The following SH3RF3 variants were observed in gnomAD, a reference collection of about 807,000 sequenced individuals.
SH3RF3 encodes the protein E3 ubiquitin-protein ligase SH3RF3.
In SH3RF3, 29 loss-of-function variants were observed where a neutral mutation model predicts 66.3. The observed-to-expected ratio is 0.44, with a 90% confidence interval of 0.33 to 0.60. SH3RF3 has a LOEUF of 0.60. SH3RF3 is among the 20% of genes least tolerant of loss of function. The probability of loss-of-function intolerance (pLI) is 0.04; values close to 1 mark genes in which losing one functional copy is unlikely to be tolerated. For missense variants in SH3RF3, 1,194 were observed against 1,190.9 expected (o/e 1.00, Z -0.04); for synonymous variants, 583 against 532.0 (o/e 1.10, Z -1.32).
chr2:109,213,752 T>G (rs746738275), intron 1 of SH3RF3, among the ~76,000 whole-genome samples: 54 of 152,238 alleles, frequency 3.5e-4, no homozygotes, highest in East Asian at 1.9e-4. Context: ...GGGGATGGTT[T>G]TAAATAGGAA....
rs377208980 is a variant in SH3RF3 at position 109,436,921 on chromosome 2, C to T, written c.1603C>T (p.Arg535Trp). The part of the protein sequence containing the change: ...RVPAGGAGPP[R>W]NNVVGGSPLA... Reference sequence around the variant, plus strand: ...GCCTGCAGGAGGGGCAGGGCCGCCCCGGAATAATGTAGTCGGAGGGTCTCC... The same window carrying T: ...GCCTGCAGGAGGGGCAGGGCCGCCCTGGAATAATGTAGTCGGAGGGTCTCC... The change falls in exon 7 of 10, where the codon CGG (arginine) becomes TGG (tryptophan). Residue 535 changes from arginine to tryptophan, a missense_variant. By Grantham distance (101) the Arg-to-Trp change is moderately radical (BLOSUM62 -3). Coordinates refer to ENST00000309415, the MANE Select transcript of SH3RF3 (RefSeq NM_001099289.3). The T allele has an allele frequency of 5.3e-5, 86 of 1,613,624 alleles. No homozygotes were observed. Among genetic ancestry groups the T allele is most frequent in the South Asian group, 2.3e-4 (21 of 91,086 alleles).
chr2:109,499,906 G>A (rs1330046740), intron 9 of SH3RF3, among the ~76,000 whole-genome samples: 1 of 152,178 alleles, frequency 6.6e-6, no homozygotes, highest in Non-Finnish European at 1.5e-5. Flanking sequence ...AGGTTCAATT[G>A]GCACACAAGT....
intron 1 of SH3RF3, among the ~76,000 whole-genome samples, chr2:109,283,036 T>C (rs2105346940): frequency 6.6e-6 from 1 of 152,288 alleles, no homozygotes; most frequent in African/African-American, 2.4e-5. Context: ...CTGTGTGAAC[T>C]GTGTATGCAG....
chr2:109,488,075 A>T lies in SH3RF3; in HGVS notation c.2149-2530A>T, dbSNP rs768285566. On this transcript the variant is annotated intron_variant, in intron 8 of 9. Coordinates refer to ENST00000309415, the MANE Select transcript of SH3RF3 (RefSeq NM_001099289.3). Reference sequence around the variant, plus strand: ...CCACCCAGGTCTCCTGCCTGCCAGGAGGGGAGGAGCGGCCAGCAGCCCCAG... The same window carrying T: ...CCACCCAGGTCTCCTGCCTGCCAGGTGGGGAGGAGCGGCCAGCAGCCCCAG... Among the ~76,000 whole-genome samples, 17 of 152,100 alleles carry T rather than the reference A, an allele frequency of 1.1e-4. 1 individual carries two copies. The highest frequency in any genetic ancestry group is 6.3e-3 in the Middle Eastern group (2 of 316).
At chr2:109,408,834 C>A (rs1411794910) in intron 4 of SH3RF3, among the ~76,000 whole-genome samples, 1 of 152,218 alleles carries the variant, frequency 6.6e-6, no homozygotes, top group Non-Finnish European at 1.5e-5. Context: ...ATGGAGAAGC[C>A]TCTGGCCTGA....
At chr2:109,152,414 C>T (rs1200976311) in intron 1 of SH3RF3, among the ~76,000 whole-genome samples, 1 of 152,198 alleles carries the variant, frequency 6.6e-6, no homozygotes, top group Admixed American at 6.5e-5. Flanking sequence ...ATAAATAATT[C>T]TGGGCTCCGA....
At chr2:109,466,624 G>A (rs927766688) in intron 8 of SH3RF3, among the ~76,000 whole-genome samples, 1 of 152,094 alleles carries the variant, frequency 6.6e-6, no homozygotes, top group Non-Finnish European at 1.5e-5. Flanking sequence ...TGTGTCTTTG[G>A]TGTTTTATCT....
chr2:109,351,999 A>G (rs917834601), intron 2 of SH3RF3, among the ~76,000 whole-genome samples: 9 of 152,252 alleles, frequency 5.9e-5, no homozygotes, highest in African/African-American at 1.9e-4. Context: ...ATAAAAATCA[A>G]ATATAGAGTT....
intron 5 of SH3RF3, among the ~76,000 whole-genome samples, chr2:109,429,735 G>A (rs1006134863): frequency 6.6e-6 from 1 of 152,088 alleles, no homozygotes; most frequent in Non-Finnish European, 1.5e-5. Context: ...CCATCCCCTC[G>A]AGCTTTTGTG....
chr2:109,191,318 A>T (rs1678350346), intron 1 of SH3RF3, among the ~76,000 whole-genome samples: 1 of 152,188 alleles, frequency 6.6e-6, no homozygotes, highest in African/African-American at 2.4e-5. Context: ...GCCCTGGAGA[A>T]TCATTAGGAG....
At chr2:109,295,431 G>A (rs564747998) in intron 1 of SH3RF3, among the ~76,000 whole-genome samples, 29 of 152,364 alleles carry the variant, frequency 1.9e-4, no homozygotes, top group African/African-American at 5.8e-4. Flanking sequence ...AACTCAGGGC[G>A]GGAGCCGAGG....
chr2:109,144,796 G>A (rs1457753364), intron 1 of SH3RF3, among the ~76,000 whole-genome samples: 1 of 152,238 alleles, frequency 6.6e-6, no homozygotes, highest in Admixed American at 6.5e-5. Flanking sequence ...TGGAGCCTGA[G>A]CCACAGCAGA....
intron 4 of SH3RF3, among the ~76,000 whole-genome samples, chr2:109,403,323 T>C (rs1336232927): frequency 6.6e-6 from 1 of 152,160 alleles, no homozygotes; most frequent in African/African-American, 2.4e-5. Context: ...TCTCACCTCC[T>C]CTGTCCTGGC....
chr2:109,293,297 G>A (rs756687678), intron 1 of SH3RF3, among the ~76,000 whole-genome samples: 12 of 152,164 alleles, frequency 7.9e-5, no homozygotes, highest in Non-Finnish European at 1.6e-4. Flanking sequence ...ACTGCACTGC[G>A]AAGGAGTTTG....
intron 1 of SH3RF3, among the ~76,000 whole-genome samples, chr2:109,241,768 A>C (rs775604626): frequency 6.1e-4 from 88 of 143,508 alleles, no homozygotes; most frequent in African/African-American, 1.6e-3. Context: ...GTCTTGAATA[A>C]TTTTTTTTTT....
intron 1 of SH3RF3, among the ~76,000 whole-genome samples, chr2:109,332,881 A>G (rs976669146): frequency 1.3e-5 from 2 of 152,256 alleles, no homozygotes; most frequent in Non-Finnish European, 2.9e-5. Context: ...GCCTTATAGA[A>G]TAAATGGTCA....
At chr2:109,209,757 G>T (rs553474293) in intron 1 of SH3RF3, among the ~76,000 whole-genome samples, 1 of 152,118 alleles carries the variant, frequency 6.6e-6, no homozygotes, top group African/African-American at 2.4e-5. Context: ...GAGAGTAAAT[G>T]GTTTGTTCAC....
intron 1 of SH3RF3, among the ~76,000 whole-genome samples, chr2:109,324,660 C>G (rs1188672204): frequency 1.3e-5 from 2 of 152,190 alleles, no homozygotes; most frequent in Non-Finnish European, 2.9e-5. Context: ...ATCCTTTCTC[C>G]TGGAACTCCT....
intron 8 of SH3RF3, among the ~76,000 whole-genome samples, chr2:109,460,120 T>C (rs1188281114): frequency 6.6e-6 from 1 of 152,226 alleles, no homozygotes; most frequent in Non-Finnish European, 1.5e-5. Flanking sequence ...ATTGCTGCAC[T>C]TCATTTGCTA....
Sources: gnomAD v4.1 joint callset for allele counts (sites outside exome capture counted in the v4.1 genomes callset) on GRCh38, gnomAD v4.1.1 for gene constraint, MANE v1.5 for transcripts, NCBI Gene and HGNC (gene_info 2026-07-23, HGNC 2026-07-21) for gene names.